The following COL18A1 variants were observed in gnomAD, a reference collection of about 807,000 sequenced individuals.
COL18A1 encodes collagen alpha-1(XVIII) chain.
Under a neutral mutation model 168.0 loss-of-function variants are expected in COL18A1, and 133 were observed. The ratio of observed to expected loss-of-function variants is 0.79; its 90% CI spans 0.69 to 0.91. COL18A1 has a LOEUF of 0.91. COL18A1 is among the 40% of genes least tolerant of loss of function. The probability of loss-of-function intolerance (pLI) is 0.00; values close to 1 mark genes in which losing one functional copy is unlikely to be tolerated. For missense variants in COL18A1, 2,126 were observed against 1,925.4 expected, an observed-to-expected ratio of 1.10 and a Z score of -1.95; for synonymous variants, 949 against 809.0, an observed-to-expected ratio of 1.17 and a Z score of -2.94.
chr21:45,420,496 C>T (rs2033587545), intron 2 of COL18A1: 1 of 152,270 alleles, frequency 6.6e-6, no homozygotes, highest in Non-Finnish European at 1.5e-5. Context: ...TCTCCCTCTC[C>T]CGGAGTCCCC....
At position 45,475,540 on chromosome 21, in the gene COL18A1, G is replaced by A; in HGVS notation, c.798+5G>A. The A allele has an allele frequency of 1.9e-6, 3 of 1,603,702 alleles. No individual in the cohort carries two copies. The highest frequency in any genetic ancestry group is 2.5e-6 in the Non-Finnish European group (3 of 1,176,916). ...GAGCTTCTCAGGGAGGAGACGGTGA[G>A]TAGCCGGACGGGGCCCAGCCCACGC... On this transcript the variant is annotated splice_donor_5th_base_variant and intron_variant, in intron 5 of 41. Coordinates refer to ENST00000651438, the MANE Select transcript of COL18A1 (RefSeq NM_001379500.1).
chr21:45,470,902 C>G (rs1357114695), intron 3 of COL18A1, among the ~76,000 whole-genome samples: 3 of 147,556 alleles, frequency 2.0e-5, no homozygotes, highest in African/African-American at 7.4e-5. Flanking sequence ...CTAGAGGGCC[C>G]TGGGTCTGGC....
intron 26 of COL18A1, chr21:45,494,286 G>A: frequency 1.8e-6 from 1 of 560,030 alleles, no homozygotes; most frequent in Non-Finnish European, 3.2e-6. Flanking sequence ...AGGGTCCCGG[G>A]GCATGCATGC....
intron 2 of COL18A1, among the ~76,000 whole-genome samples, chr21:45,410,785 G>A (rs949990017): frequency 9.9e-5 from 15 of 152,220 alleles, no homozygotes; most frequent in African/African-American, 3.1e-4. Flanking sequence ...TTGGGGTGAC[G>A]TGAGCTGATG....
At position 45,429,962 on chromosome 21, in the gene COL18A1, C is replaced by T. The variant is rs371849214; in HGVS notation, c.106+24489C>T. Among the ~76,000 whole-genome samples the T allele has an allele frequency of 2.0e-4, 30 of 151,512 alleles. No individual in the cohort carries two copies. The South Asian group carries it at 5.6e-3, about 28-fold the overall frequency. On this transcript the variant is annotated intron_variant, in intron 2 of 41. Transcript: ENST00000651438. Reference sequence around the variant, plus strand: ...CATTGGGGACCCCCCGTCTCCCTAGCGCCCTCTCGTCCTCTCCTGCATGTG... The same window carrying T: ...CATTGGGGACCCCCCGTCTCCCTAGTGCCCTCTCGTCCTCTCCTGCATGTG...
intron 26 of COL18A1, 22 bp downstream of exon 26, chr21:45,493,597 T>C (rs1366157023): frequency 6.5e-7 from 1 of 1,539,314 alleles, no homozygotes; most frequent in South Asian, 1.2e-5. Flanking sequence ...GCAGCCTCCT[T>C]CCGGCAGGCG....
At chr21:45,505,313 C>T (rs370112201) in intron 35 of COL18A1, 35 bp downstream of exon 35, 246 of 1,601,702 alleles carry the variant, frequency 1.5e-4, no homozygotes, top group African/African-American at 1.4e-3. Flanking sequence ...GGGCAGAGGC[C>T]GCCTCGTGTG....
In COL18A1 at chr21:45,471,787, G is replaced by A. The variant is rs1307114574; in HGVS notation, c.652-2108G>A. Among the ~76,000 whole-genome samples, 2 of 152,106 alleles carry A rather than the reference G, an allele frequency of 1.3e-5. No homozygotes were observed. Among genetic ancestry groups the A allele is most frequent in the Admixed American group, 1.3e-4 (2 of 15,272 alleles). The stretch of plus-strand genomic sequence containing the variant: ...TCCTGATTTCCAGGGCGCTGAGGCT[G>A]CAGCGTGTCGGGAAGCATTTTACAT... On this transcript the variant is annotated intron_variant, in intron 3 of 41. Transcript: ENST00000651438. The surrounding 1 kb of genome is among the most constrained non-coding windows in gnomAD (Gnocchi z 4.4).
intron 2 of COL18A1, among the ~76,000 whole-genome samples, chr21:45,410,474 C>T (rs1258707851): frequency 6.6e-6 from 1 of 152,226 alleles, no homozygotes; most frequent in African/African-American, 2.4e-5. Flanking sequence ...GCCAGAGCCA[C>T]AGGGAGGAAG....
At chr21:45,509,333 G>T in intron 38 of COL18A1, 23 bp from the exon 39 acceptor site, 2 of 1,542,366 alleles carry the variant, frequency 1.3e-6, no homozygotes, top group Non-Finnish European at 8.7e-7. Flanking sequence ...CCCGCCGACA[G>T]GCCCCACGTC....
chr21:45,497,741 C>T (rs997397222), intron 32 of COL18A1, 80 bp downstream of exon 32: 4 of 1,535,558 alleles, frequency 2.6e-6, no homozygotes, highest in Non-Finnish European at 1.8e-6. Context: ...GAGCCGCCAC[C>T]ACAAGCAGGT....
At chr21:45,511,364 A>C in intron 41 of COL18A1, 138 bp downstream of exon 41, 1 of 682,874 alleles carries the variant, frequency 1.5e-6, no homozygotes, top group East Asian at 2.7e-5. Context: ...TACAAAATCC[A>C]AAAGAGCATT....
At chr21:45,460,904 G>C (rs2035019433) in intron 2 of COL18A1, among the ~76,000 whole-genome samples, 1 of 152,192 alleles carries the variant, frequency 6.6e-6, no homozygotes, top group South Asian at 2.1e-4. Context: ...GTGGGTACAA[G>C]ATCTTGTGTG....
At chr21:45,419,104 C>T (rs1325763063) in intron 2 of COL18A1, among the ~76,000 whole-genome samples, 1 of 152,210 alleles carries the variant, frequency 6.6e-6, no homozygotes, top group African/African-American at 2.4e-5. Context: ...AGTTGGCCAG[C>T]CCTTGCCAGA....
chr21:45,494,999 C>A, intron 28 of COL18A1, 84 bp downstream of exon 28: 1 of 1,250,804 alleles, frequency 8.0e-7, no homozygotes, highest in Non-Finnish European at 1.1e-6. Context: ...GTGACATGCC[C>A]AGAGGGGAGT....
chr21:45,415,254 C>T (rs2033407900), intron 2 of COL18A1, among the ~76,000 whole-genome samples: 2 of 152,206 alleles, frequency 1.3e-5, no homozygotes, highest in African/African-American at 4.8e-5. Context: ...CAGCAGGACC[C>T]TCAAGGCTGC....
At chr21:45,508,678 C>G (rs1410363517) in intron 38 of COL18A1, among the ~76,000 whole-genome samples, 1 of 152,204 alleles carries the variant, frequency 6.6e-6, no homozygotes, top group Non-Finnish European at 1.5e-5. Context: ...AGCGGCCTGT[C>G]TCCTCACAGG....
Position 45,507,544 on chromosome 21 carries a change from C to T in COL18A1, c.3217-17C>T, listed in dbSNP as rs755505645. On this transcript the variant is annotated splice_polypyrimidine_tract_variant and intron_variant, in intron 37 of 41. Coordinates refer to ENST00000651438, the MANE Select transcript of COL18A1 (RefSeq NM_001379500.1). ...GCCCAGCCGCAGGTCCTGGGTGACCCTGCTGCTTTCTTCCAGCTGGAGGCC... is the reference window on the plus strand; with the variant it reads ...GCCCAGCCGCAGGTCCTGGGTGACCTTGCTGCTTTCTTCCAGCTGGAGGCC... 1 of 1,611,500 alleles carries T rather than the reference C, an allele frequency of 6.2e-7. No individual in the cohort carries two copies. Among genetic ancestry groups the T allele is most frequent in the South Asian group, 1.1e-5 (1 of 90,920 alleles).
At chr21:45,499,902 G>C (rs2036681909) in intron 32 of COL18A1, among the ~76,000 whole-genome samples, 1 of 152,238 alleles carries the variant, frequency 6.6e-6, no homozygotes, top group South Asian at 2.1e-4. Context: ...ATAAACAGTA[G>C]ATTTAGGTCC....
Sources: allele counts gnomAD v4.1 joint callset (sites outside exome capture counted in the v4.1 genomes callset), GRCh38; gene constraint gnomAD v4.1.1; non-coding constraint Gnocchi (gnomAD v3.1); transcripts MANE v1.5; gene names NCBI Gene and HGNC (gene_info 2026-07-23, HGNC 2026-07-21).